The following KCNH5 variants were observed in gnomAD, a reference collection of about 807,000 sequenced individuals.
KCNH5 encodes the protein potassium voltage-gated channel subfamily H member 5, also known as voltage-gated delayed rectifier potassium channel KCNH5.
In KCNH5, 46 loss-of-function variants were observed where a neutral mutation model predicts 96.1. The observed-to-expected ratio is 0.48, with a 90% CI of 0.38 to 0.61. KCNH5 has a LOEUF of 0.61. Among genes scored for constraint, KCNH5 ranks in the 20% least tolerant of loss-of-function variants. The pLI is 0.00. For missense variants in KCNH5, 907 were observed against 1,225.8 expected (o/e 0.74, Z 3.88); for synonymous variants, 439 against 449.8 (o/e 0.98, Z 0.30).
chr14:62,829,270 G>A (rs374953212), intron 8 of KCNH5, among the ~76,000 whole-genome samples: 2 of 152,218 alleles, frequency 1.3e-5, no homozygotes, highest in East Asian at 1.9e-4. Flanking sequence ...GGGTCGGGAG[G>A]ACAGTGGCCC....
chr14:62,771,536 A>G (rs1338580483), intron 10 of KCNH5, among the ~76,000 whole-genome samples: 1 of 151,780 alleles, frequency 6.6e-6, no homozygotes, highest in African/African-American at 2.4e-5. Context: ...GAGGCAGGAG[A>G]ATGGCGTGAA....
chr14:63,010,787 T>A (rs559511996), intron 2 of KCNH5, among the ~76,000 whole-genome samples: 1 of 152,186 alleles, frequency 6.6e-6, no homozygotes, highest in Non-Finnish European at 1.5e-5. Flanking sequence ...CTCATTATAG[T>A]ACCTAGCGTA....
rs532100521 is a variant in KCNH5 at position 62,747,904 on chromosome 14, C to T, written c.2019+31824G>A. 7.8e-4 allele frequency among the ~76,000 whole-genome samples: 118 copies of T among 152,196 alleles called. 2 individuals carry two copies. The highest frequency in any genetic ancestry group is 2.7e-3 in the African/African-American group (114 of 41,530). On this transcript the variant is annotated intron_variant, in intron 10 of 10. Coordinates refer to ENST00000322893, the MANE Select transcript of KCNH5 (RefSeq NM_139318.5). ...TTAATAGGAGAAAAAAAGGCATTTC[C>T]TTTGGGAAGACTCAGTATTATCTTA...
chr14:62,783,834 T>G (rs1017804782), intron 9 of KCNH5, among the ~76,000 whole-genome samples: 7 of 71,678 alleles, frequency 9.8e-5, no homozygotes, highest in African/African-American at 1.9e-4. Context: ...AAGAAATAAA[T>G]GAAGAATAAT....
intron 10 of KCNH5, among the ~76,000 whole-genome samples, chr14:62,746,938 A>T (rs1206983373): frequency 6.6e-6 from 1 of 152,254 alleles, no homozygotes; most frequent in Non-Finnish European, 1.5e-5. Context: ...ATTAAACTTC[A>T]AACACGCTAT....
At chr14:62,868,437 C>A (rs1044885497) in intron 7 of KCNH5, among the ~76,000 whole-genome samples, 8 of 152,046 alleles carry the variant, frequency 5.3e-5, no homozygotes, top group African/African-American at 1.7e-4. Flanking sequence ...GCTGTTTTTG[C>A]CATTACCTTC....
chr14:62,968,026 C>A (rs995352499), intron 6 of KCNH5, among the ~76,000 whole-genome samples: 6 of 152,338 alleles, frequency 3.9e-5, no homozygotes, highest in Admixed American at 3.3e-4. Flanking sequence ...CTCAGTTAGA[C>A]AGACTGCTTT....
chr14:62,894,020 C>T (rs1317255588), intron 7 of KCNH5, among the ~76,000 whole-genome samples: 2 of 152,184 alleles, frequency 1.3e-5, no homozygotes, highest in Non-Finnish European at 2.9e-5. Flanking sequence ...GATTATGCCT[C>T]ATTGAAGACT....
rs554906073 is a variant in KCNH5, at chr14:62,699,887, G to A, written c.*7621C>T. On this transcript the variant is annotated 3_prime_UTR_variant, in exon 11 of 11. Coordinates refer to ENST00000322893, the MANE Select transcript of KCNH5 (RefSeq NM_139318.5). ...ATCAGATTTTGAAAAAAGCCAACAA[G>A]TACTGCTTAGCATAATGGTATTAAA... is the stretch of plus-strand genomic sequence containing the variant. 7.2e-5 allele frequency: 11 copies of A among 152,218 alleles called. No individual in the cohort carries two copies. Among genetic ancestry groups the A allele is most frequent in the African/African-American group, 2.4e-4 (10 of 41,554 alleles). 9.4% of individuals were successfully genotyped at this position (152,218 alleles called of 1,614,324 possible).
chr14:62,888,397 TA>T (rs1235333639), intron 7 of KCNH5, among the ~76,000 whole-genome samples: 1 of 152,196 alleles, frequency 6.6e-6, no homozygotes. Flanking sequence ...AACTTTGTTT[TA>T]TCACCCTTGG....
At chr14:63,038,954 A>G (rs1407058264) in intron 1 of KCNH5, among the ~76,000 whole-genome samples, 1 of 152,092 alleles carries the variant, frequency 6.6e-6, no homozygotes, top group Non-Finnish European at 1.5e-5. Flanking sequence ...TTTGTTTCAT[A>G]AATGTCCATT....
At position 62,981,258 on chromosome 14, in the gene KCNH5, G is replaced by C; in HGVS notation, c.556C>G (p.Gln186Glu). The change falls in exon 6 of 11, where the codon CAG becomes GAG. Residue 186 changes from glutamine (Q) to glutamate (E), a missense_variant. Gln to Glu is a conservative substitution (Grantham distance 29). Around this residue, in one of 6 missense-constraint regions of KCNH5, gnomAD observed 370 missense variants for 561.3 expected, o/e 0.66. Transcript: ENST00000322893. ...HKHSRLAEVL[Q>E]LGSDILPQYK... ...TGAGGAAGGATATCTGATCCCAGCT[G>C]AAGAACCTAAAAGAGAGAAAATGTA... 6.2e-7 allele frequency: 1 copy of C among 1,613,870 alleles called. No homozygotes were observed. Among genetic ancestry groups the C allele is most frequent in the Non-Finnish European group, 8.5e-7 (1 of 1,179,898 alleles).
rs1218761298 is a variant in KCNH5, at chr14:62,700,928, T to C, written c.*6580A>G. On this transcript the variant is annotated 3_prime_UTR_variant, in exon 11 of 11. Coordinates refer to ENST00000322893, the MANE Select transcript of KCNH5 (RefSeq NM_139318.5). ...ACCAAAAGCTTTGGATAGAGGGAAG[T>C]GGTTACATTTTATATTATGAAATAT... 1 of 152,122 alleles carries C rather than the reference T, an allele frequency of 6.6e-6. No individual in the cohort carries two copies. Among genetic ancestry groups the C allele is most frequent in the Non-Finnish European group, 1.5e-5 (1 of 67,998 alleles). The allele number at this position is 152,122 out of a possible 1,614,324, so 9.4% of individuals were successfully genotyped here.
intron 8 of KCNH5, among the ~76,000 whole-genome samples, chr14:62,809,631 T>C (rs1242715854): frequency 6.6e-6 from 1 of 152,126 alleles, no homozygotes; most frequent in South Asian, 2.1e-4. Flanking sequence ...CAGAGTTCTA[T>C]CAAAGCCAAT....
At chr14:62,807,451 C>T (rs986060841) in intron 8 of KCNH5, among the ~76,000 whole-genome samples, 1 of 152,012 alleles carries the variant, frequency 6.6e-6, no homozygotes, top group African/African-American at 2.4e-5. Flanking sequence ...GTTCATGTAA[C>T]TTTAGTAATA....
chr14:62,898,818 G>T (rs1376234644), intron 7 of KCNH5, among the ~76,000 whole-genome samples: 2 of 152,054 alleles, frequency 1.3e-5, no homozygotes, highest in African/African-American at 2.4e-5. Flanking sequence ...CTACATAATA[G>T]AAATTATATG....
intron 7 of KCNH5, among the ~76,000 whole-genome samples, chr14:62,863,293 G>T (rs896038410): frequency 2.6e-5 from 4 of 152,094 alleles, no homozygotes; most frequent in Non-Finnish European, 5.9e-5. Context: ...AAAGTAAACA[G>T]CAAGTGCACA....
At chr14:62,936,572 G>A (rs1242824834) in intron 7 of KCNH5, among the ~76,000 whole-genome samples, 1 of 151,666 alleles carries the variant, frequency 6.6e-6, no homozygotes, top group Non-Finnish European at 1.5e-5. Context: ...CTACTTGGGA[G>A]GCTGAGACAT....
At chr14:63,038,709 C>T (rs925202660) in intron 1 of KCNH5, among the ~76,000 whole-genome samples, 1 of 151,952 alleles carries the variant, frequency 6.6e-6, no homozygotes, top group African/African-American at 2.4e-5. Context: ...GTCTAAAATA[C>T]ACACTGATCT....
Sources: gnomAD v4.1 joint callset for allele counts (sites outside exome capture counted in the v4.1 genomes callset) on GRCh38, gnomAD v4.1.1 for gene constraint, gnomAD v4.1.1 regional missense constraint, MANE v1.5 for transcripts, NCBI Gene and HGNC (gene_info 2026-07-23, HGNC 2026-07-21) for gene names.